Variants in ADORA2A observed in about 807,000 individuals in gnomAD.
ADORA2A encodes adenosine A2a receptor, also known as adenosine receptor A2a.
Under a neutral mutation model 18.4 loss-of-function variants are expected in ADORA2A, and 11 were observed. The observed-to-expected ratio is 0.60, with a 90% CI of 0.38 to 0.99. The LOEUF is 0.99. ADORA2A is among the 50% of genes least tolerant of loss of function. The pLI is 0.01. For synonymous variants in ADORA2A, 218 were observed against 237.3 expected (o/e 0.92, Z 0.75); for missense variants, 449 against 556.1 (o/e 0.81, Z 1.94).
At chr22:24,433,096 G>C (rs2043082510) in intron 1 of ADORA2A, 35 bp from the exon 2 acceptor site, 4 of 503,460 alleles carry the variant, frequency 7.9e-6, no homozygotes. Context: ...GCCCTCTGCA[G>C]ATGGTTCAGC....
chr22:24,428,494 C>T (rs2042953526), intron 1 of ADORA2A, among the ~76,000 whole-genome samples: 1 of 152,188 alleles, frequency 6.6e-6, no homozygotes, highest in South Asian at 2.1e-4. Context: ...TGTTCATATC[C>T]ACCTGTCCTT....
chr22:24,436,602 G>A (rs1374797089), intron 2 of ADORA2A, among the ~76,000 whole-genome samples: 1 of 152,148 alleles, frequency 6.6e-6, no homozygotes, highest in Non-Finnish European at 1.5e-5. Context: ...CAGTTCCCAG[G>A]GGATTTTTGC....
intron 2 of ADORA2A, chr22:24,438,312 C>T (rs1184397887): frequency 6.6e-6 from 1 of 152,188 alleles, no homozygotes; most frequent in Non-Finnish European, 1.5e-5. Context: ...AGGGCCAGAA[C>T]CCAGGAAGGG....
chr22:24,429,808 G>A (rs1213410440), intron 1 of ADORA2A: 1 of 152,332 alleles, frequency 6.6e-6, no homozygotes, highest in Non-Finnish European at 1.5e-5. Flanking sequence ...CTGTGTCTGA[G>A]GGTCCAGTGC....
chr22:24,438,568 T>C (rs1374195806), intron 2 of ADORA2A: 1 of 152,224 alleles, frequency 6.6e-6, no homozygotes, highest in Non-Finnish European at 1.5e-5. Context: ...TGAGGCCCTG[T>C]TACAGGTAAC....
upstream of ADORA2A, among the ~76,000 whole-genome samples, chr22:24,426,275 G>T (rs2042918026): frequency 6.6e-6 from 1 of 152,214 alleles, no homozygotes; most frequent in Admixed American, 6.5e-5. Context: ...TGTTTGCGGG[G>T]TCTGTCTTGT....
intron 1 of ADORA2A, 157 bp from the exon 2 acceptor site, chr22:24,432,974 T>C (rs1016579684): frequency 2.7e-5 from 6 of 223,640 alleles, no homozygotes; most frequent in Non-Finnish European, 4.5e-5. Flanking sequence ...CTAGGCGGGG[T>C]CAGGGGCCAT....
chr22:24,426,540 G>C (rs1222866314), upstream of ADORA2A, among the ~76,000 whole-genome samples: 2 of 152,190 alleles, frequency 1.3e-5, no homozygotes, highest in Non-Finnish European at 2.9e-5. Context: ...GTTGCAAGGA[G>C]CAGAGGAGCC....
chr22:24,439,889 G>A (rs962408533), intron 2 of ADORA2A, among the ~76,000 whole-genome samples: 2 of 152,194 alleles, frequency 1.3e-5, no homozygotes, highest in African/African-American at 4.8e-5. Flanking sequence ...TCTCTCCAGA[G>A]GGCTGTGGGT....
chr22:24,425,413 T>C (rs570738848), upstream of ADORA2A, among the ~76,000 whole-genome samples: 436 of 140,948 alleles, frequency 3.1e-3, 6 homozygotes, highest in Middle Eastern at 7.8e-3. Flanking sequence ...GGCCACGGTG[T>C]CAGTCCCTCC....
chr22:24,441,779 A>G lies in ADORA2A; in HGVS notation c.*290A>G, dbSNP rs201411853. 3.1e-4 allele frequency: 92 copies of G among 295,576 alleles called. 3 individuals carry two copies. The South Asian group carries it at 9.0e-3, about 29-fold the overall frequency. 18.3% of individuals were successfully genotyped at this position (295,576 alleles called of 1,614,324 possible). A position where few individuals can be genotyped will look rare whatever the true frequency, so the allele number is the denominator to read the frequency against. On this transcript the variant is annotated 3_prime_UTR_variant, in exon 3 of 3. Coordinates refer to ENST00000337539, the MANE Select transcript of ADORA2A (RefSeq NM_000675.6). ...GGGCCCAGCCCTCCACTGCAGAAGC[A>G]TCTGGAAGCACCACCTTGTCTCCAC... is the stretch of plus-strand genomic sequence containing the variant.
At chr22:24,432,099 G>C (rs2043052295) in intron 1 of ADORA2A, 1 of 154,230 alleles carries the variant, frequency 6.5e-6, no homozygotes, top group African/African-American at 2.4e-5. Flanking sequence ...TGTCAGCCAG[G>C]CAGAGGAGCA....
intron 2 of ADORA2A, among the ~76,000 whole-genome samples, chr22:24,435,002 A>C (rs2043137642): frequency 6.6e-6 from 1 of 152,184 alleles, no homozygotes; most frequent in Non-Finnish European, 1.5e-5. Flanking sequence ...CAGAGCCTGC[A>C]CCAGGTGGCT....
At chr22:24,432,468 C>T (rs1324112539) in intron 1 of ADORA2A, 1 of 152,734 alleles carries the variant, frequency 6.5e-6, no homozygotes, top group Admixed American at 6.6e-5. Context: ...CTGGGAGAGC[C>T]TGGGCAGGGA....
Position 24,441,558 on chromosome 22 carries a change from C to T in ADORA2A, c.*69C>T, listed in dbSNP as rs960509778. ...TCTTTCTGGTTGGCTTGACCAGTCA[C>T]GTTGGGAGAAGAGAGAGAGTGCCAG... On this transcript the variant is annotated 3_prime_UTR_variant, in exon 3 of 3. Coordinates refer to ENST00000337539, the MANE Select transcript of ADORA2A (RefSeq NM_000675.6). 1.4e-6 allele frequency: 2 copies of T among 1,409,560 alleles called. No individual in the cohort carries two copies. Among genetic ancestry groups the T allele is most frequent in the Non-Finnish European group, 9.3e-7 (1 of 1,075,034 alleles). 87.3% of individuals were successfully genotyped at this position (1,409,560 alleles called of 1,614,324 possible). A position where few individuals can be genotyped will look rare whatever the true frequency, so the allele number is the denominator to read the frequency against.
chr22:24,431,038 T>C (rs1309727200), intron 1 of ADORA2A: 1 of 424,954 alleles, frequency 2.4e-6, no homozygotes, highest in South Asian at 1.7e-5. Flanking sequence ...AGGTGGGCCC[T>C]GGTGAGTACT....
Position 24,433,186 on chromosome 22 carries a change from G to A in ADORA2A, c.-219G>A, listed in dbSNP as rs1271840815. 1.7e-6 allele frequency: 1 copy of A among 593,792 alleles called. No individual in the cohort carries two copies. The highest frequency in any genetic ancestry group is 1.9e-5 in the African/African-American group (1 of 53,716). 36.8% of individuals were successfully genotyped at this position (593,792 alleles called of 1,614,324 possible). On this transcript the variant is annotated 5_prime_UTR_variant, in exon 2 of 3. Transcript: ENST00000337539. ...CCATGATGCTGCTGCCAGAACCCCT[G>A]CAGAGGGCCTGGTTTCAGGAGACTC...
At position 24,435,173 on chromosome 22, in the gene ADORA2A, G is replaced by T. The variant is rs146028638; in HGVS notation, c.332+1437G>T. On this transcript the variant is annotated intron_variant, in intron 2 of 2. Coordinates refer to ENST00000337539, the MANE Select transcript of ADORA2A (RefSeq NM_000675.6). ...AAGGGGACCCTGGCCAGCCCTGAGA[G>T]GGGTGGAATTAGGGATTGTCGGACT... Among the ~76,000 whole-genome samples, 1,461 of 152,350 alleles carry T rather than the reference G, an allele frequency of 9.6e-3. 14 individuals carry two copies. Among genetic ancestry groups the T allele is most frequent in the Non-Finnish European group, 0.016 (1,118 of 68,016 alleles).
chr22:24,436,052 G>C (rs2043166989), intron 2 of ADORA2A, among the ~76,000 whole-genome samples: 1 of 152,208 alleles, frequency 6.6e-6, no homozygotes, highest in African/African-American at 2.4e-5. Context: ...CAAACTCATG[G>C]GGAGGCCAGA....
Sources: allele counts gnomAD v4.1 joint callset (sites outside exome capture counted in the v4.1 genomes callset), GRCh38; gene constraint gnomAD v4.1.1; transcripts MANE v1.5; gene names NCBI Gene and HGNC (gene_info 2026-07-23, HGNC 2026-07-21).